ROBO1: variants seen among roughly 807,000 people sequenced by gnomAD.
ROBO1 encodes roundabout guidance receptor 1.
ROBO1 carries 149 observed loss-of-function variants against 195.9 expected under a neutral mutation model. The ratio of observed to expected loss-of-function variants is 0.76; its 90% confidence interval spans 0.67 to 0.87. The LOEUF is 0.87. Ranked by LOEUF, ROBO1 falls within the 40% of genes least tolerant of loss-of-function variation. The pLI is 0.00. For synonymous variants in ROBO1, 816 were observed against 733.2 expected, an observed-to-expected ratio of 1.11 and a Z score of -1.82; for missense variants, 1,933 against 2,068.3, an observed-to-expected ratio of 0.93 and a Z score of 1.27.
chr3:79,491,734 C>T (rs750529194), intron 2 of ROBO1, among the ~76,000 whole-genome samples: 18 of 151,316 alleles, frequency 1.2e-4, no homozygotes, highest in Admixed American at 2.6e-4. Flanking sequence ...GGTAGGAAGA[C>T]GGGAAGAATT....
intron 2 of ROBO1, among the ~76,000 whole-genome samples, chr3:79,192,756 G>C (rs1576796141): frequency 2.0e-5 from 3 of 151,534 alleles, no homozygotes; most frequent in East Asian, 3.9e-4. Context: ...TAGGCCAAGA[G>C]AAAAAATAAT....
intron 5 of ROBO1, among the ~76,000 whole-genome samples, chr3:78,725,272 C>T (rs1167772673): frequency 6.6e-6 from 1 of 152,038 alleles, no homozygotes; most frequent in Non-Finnish European, 1.5e-5. Context: ...GGTCTTGCTC[C>T]TTTTTGGGAA....
chr3:79,590,433 C>G (rs1052259771), intron 1 of ROBO1, among the ~76,000 whole-genome samples: 1 of 151,720 alleles, frequency 6.6e-6, no homozygotes, highest in African/African-American at 2.4e-5. Context: ...CACCTTGAGG[C>G]CACTTTAATT....
chr3:79,055,559 T>C (rs1330237693), intron 3 of ROBO1, among the ~76,000 whole-genome samples: 1 of 152,096 alleles, frequency 6.6e-6, no homozygotes, highest in Non-Finnish European at 1.5e-5. Context: ...AAAGGTACAA[T>C]TCAGCCTTAT....
intron 1 of ROBO1, among the ~76,000 whole-genome samples, chr3:79,697,482 A>G (rs1402350020): frequency 6.6e-6 from 1 of 151,564 alleles, no homozygotes; most frequent in Admixed American, 6.6e-5. Flanking sequence ...TGGATCATGC[A>G]GAAGGGAAGA....
At chr3:79,575,208 CAGATATATATATATAACAAATATATAT>C (rs1943424734) in intron 2 of ROBO1, among the ~76,000 whole-genome samples, 2 of 53,264 alleles carry the variant, frequency 3.8e-5, no homozygotes, top group African/African-American at 2.1e-4. Context: ...ATATATATAA[CAGATATATATATATAACAAATATATAT>C]AAATATATAT....
chr3:79,206,473 G>T (rs552394313), intron 2 of ROBO1, among the ~76,000 whole-genome samples: 1 of 152,046 alleles, frequency 6.6e-6, no homozygotes, highest in Non-Finnish European at 1.5e-5. Context: ...TGGCAAGAAC[G>T]AATCCATATG....
intron 4 of ROBO1, among the ~76,000 whole-genome samples, chr3:78,858,713 C>A (rs1203921969): frequency 6.6e-6 from 1 of 151,924 alleles, no homozygotes; most frequent in Non-Finnish European, 1.5e-5. Flanking sequence ...TGCACTTCAT[C>A]CTGGGCAACA....
intron 1 of ROBO1, among the ~76,000 whole-genome samples, chr3:79,630,081 C>A (rs1416990707): frequency 6.6e-6 from 1 of 151,844 alleles, no homozygotes; most frequent in Non-Finnish European, 1.5e-5. Context: ...ACCAGTATTA[C>A]TAAAACTATT....
intron 2 of ROBO1, among the ~76,000 whole-genome samples, chr3:79,299,898 T>C (rs574017506): frequency 6.6e-6 from 1 of 151,122 alleles, no homozygotes; most frequent in Non-Finnish European, 1.5e-5. Context: ...CTTAAAGATA[T>C]TCAAACTTTC....
intron 2 of ROBO1, among the ~76,000 whole-genome samples, chr3:79,442,174 A>G (rs2039077206): frequency 6.6e-6 from 1 of 152,170 alleles, no homozygotes; most frequent in Non-Finnish European, 1.5e-5. Context: ...TACATTCAAG[A>G]TGAAATCCTT....
intron 4 of ROBO1, among the ~76,000 whole-genome samples, chr3:78,857,522 GACTTAAA>G (rs1202144344): frequency 1.3e-5 from 2 of 152,146 alleles, no homozygotes; most frequent in Non-Finnish European, 2.9e-5. Flanking sequence ...TGAGAAAACA[GACTTAAA>G]GAAGTTAAGG....
intron 1 of ROBO1, among the ~76,000 whole-genome samples, chr3:79,673,117 T>G (rs1220870424): frequency 6.6e-6 from 1 of 151,994 alleles, no homozygotes; most frequent in Non-Finnish European, 1.5e-5. Context: ...TCACTTTACA[T>G]AAAGAAATAA....
intron 8 of ROBO1, among the ~76,000 whole-genome samples, chr3:78,711,482 T>A (rs1203425439): frequency 6.8e-6 from 1 of 146,350 alleles, no homozygotes; most frequent in East Asian, 2.0e-4. Context: ...TCTTTCTCTC[T>A]CTCTCTTTCT....
intron 3 of ROBO1, among the ~76,000 whole-genome samples, chr3:78,985,313 A>C (rs528999237): frequency 2.0e-4 from 30 of 152,034 alleles, no homozygotes; most frequent in African/African-American, 6.5e-4. Context: ...AAATAATAAT[A>C]ATATTTTCTT....
chr3:79,403,474 A>G (rs1329005466), intron 2 of ROBO1, among the ~76,000 whole-genome samples: 1 of 152,016 alleles, frequency 6.6e-6, no homozygotes, highest in Non-Finnish European at 1.5e-5. Flanking sequence ...GAGTTCTAAC[A>G]CATAAATTTT....
intron 1 of ROBO1, among the ~76,000 whole-genome samples, chr3:79,642,765 C>T (rs1382945520): frequency 2.0e-5 from 3 of 152,066 alleles, no homozygotes; most frequent in Non-Finnish European, 4.4e-5. Context: ...TGGCTAAAAG[C>T]AGTTTTTCAC....
intron 5 of ROBO1, among the ~76,000 whole-genome samples, chr3:78,740,811 T>C (rs1188006094): frequency 2.0e-5 from 3 of 152,132 alleles, no homozygotes; most frequent in Non-Finnish European, 2.9e-5. Flanking sequence ...GACACACTTA[T>C]GCAGAAGAGC....
At chr3:79,196,326 G>C (rs2081634786) in intron 2 of ROBO1, among the ~76,000 whole-genome samples, 1 of 146,110 alleles carries the variant, frequency 6.8e-6, no homozygotes, top group African/African-American at 2.5e-5. Flanking sequence ...GATGAGGTGA[G>C]AAGAAGACTA....
Sources: allele counts gnomAD v4.1 joint callset (sites outside exome capture counted in the v4.1 genomes callset), GRCh38; gene constraint gnomAD v4.1.1; transcripts MANE v1.5; gene names NCBI Gene and HGNC (gene_info 2026-07-23, HGNC 2026-07-21).